The following PXDNL variants were observed in gnomAD, a reference collection of about 807,000 sequenced individuals.
PXDNL encodes probable oxidoreductase PXDNL.
In PXDNL, 145 loss-of-function variants were observed where a neutral mutation model predicts 150.8. That is an observed-to-expected ratio of 0.96 (90% CI 0.84 to 1.10). The LOEUF (loss-of-function observed/expected upper bound fraction) is 1.10. PXDNL is among the 50% of genes least tolerant of loss of function. The pLI, the probability that PXDNL is intolerant of heterozygous loss-of-function variation, is 0.00. For synonymous variants in PXDNL, 757 were observed against 725.7 expected, an observed-to-expected ratio of 1.04 and a Z score of -0.69; for missense variants, 2,087 against 1,873.9, an observed-to-expected ratio of 1.11 and a Z score of -2.10.
chr8:51,732,297 A>G (rs1364977031), intron 1 of PXDNL, among the ~76,000 whole-genome samples: 1 of 152,046 alleles, frequency 6.6e-6, no homozygotes, highest in African/African-American at 2.4e-5. Context: ...ATGCCACCAG[A>G]CTCTTTGCTA....
chr8:51,532,492 G>C (rs908252610), intron 4 of PXDNL, among the ~76,000 whole-genome samples: 2 of 152,242 alleles, frequency 1.3e-5, no homozygotes, highest in African/African-American at 4.8e-5. Flanking sequence ...AAGGATGCCT[G>C]ACACCAGTGT....
At chr8:51,695,384 A>G (rs7007671) in intron 1 of PXDNL, among the ~76,000 whole-genome samples, 109,938 of 152,022 alleles carry the variant, frequency 0.72, 40,095 homozygotes, top group East Asian at 0.82. Context: ...CTTAGCACAG[A>G]ATTGGCACAT....
intron 2 of PXDNL, among the ~76,000 whole-genome samples, chr8:51,606,573 C>T (rs1264970023): frequency 6.6e-6 from 1 of 152,098 alleles, no homozygotes; most frequent in Non-Finnish European, 1.5e-5. Flanking sequence ...TAGCCTTTAA[C>T]ATCTAGAACT....
At chr8:51,355,282 C>A (rs1806472298) in intron 19 of PXDNL, among the ~76,000 whole-genome samples, 1 of 152,116 alleles carries the variant, frequency 6.6e-6, no homozygotes, top group African/African-American at 2.4e-5. Context: ...AGTTCACAAA[C>A]ATAAGCACAA....
At chr8:51,498,268 C>A (rs1811103673) in intron 5 of PXDNL, among the ~76,000 whole-genome samples, 1 of 140,404 alleles carries the variant, frequency 7.1e-6, no homozygotes, top group Non-Finnish European at 1.5e-5. Flanking sequence ...ACATCACACA[C>A]CGGGGCCTGT....
intron 3 of PXDNL, among the ~76,000 whole-genome samples, chr8:51,557,350 A>C (rs1240714466): frequency 6.6e-6 from 1 of 152,162 alleles, no homozygotes; most frequent in Non-Finnish European, 1.5e-5. Flanking sequence ...CATAAGATGA[A>C]TTTTGATCCT....
At position 51,749,980 on chromosome 8, in the gene PXDNL, G is replaced by A. The variant is rs113612552; in HGVS notation, c.164+59201C>T. Among the ~76,000 whole-genome samples, 615 of 152,192 alleles carry A rather than the reference G, an allele frequency of 4.0e-3. 5 individuals carry two copies. The highest frequency in any genetic ancestry group is 0.014 in the African/African-American group (567 of 41,532). On this transcript the variant is annotated intron_variant, in intron 1 of 22. Transcript: ENST00000356297. ...CTCCCAAAGTGCTAAGATTACAGGC[G>A]TGAGCCACCAGGCCCGGTCCACTAA...
chr8:51,468,465 C>A (rs1339742710), intron 8 of PXDNL, among the ~76,000 whole-genome samples: 1 of 149,696 alleles, frequency 6.7e-6, no homozygotes, highest in Non-Finnish European at 1.5e-5. Context: ...GTTTACCTAT[C>A]GACTTTCCAC....
chr8:51,780,484 G>A (rs150205363), intron 1 of PXDNL, among the ~76,000 whole-genome samples: 1,692 of 152,152 alleles, frequency 0.011, 12 homozygotes, highest in Middle Eastern at 0.051. Context: ...ATCCTACAAT[G>A]AGAAACCTTT....
intron 8 of PXDNL, among the ~76,000 whole-genome samples, chr8:51,471,835 C>T (rs1017825968): frequency 2.0e-5 from 3 of 151,860 alleles, no homozygotes; most frequent in Admixed American, 1.3e-4. Flanking sequence ...TACAGGCGCT[C>T]ACCACCACGC....
At chr8:51,679,554 A>G (rs535554249) in intron 1 of PXDNL, among the ~76,000 whole-genome samples, 1 of 152,342 alleles carries the variant, frequency 6.6e-6, no homozygotes, top group East Asian at 1.9e-4. Context: ...AATAATTTAT[A>G]TCTACTATTA....
intron 6 of PXDNL, among the ~76,000 whole-genome samples, chr8:51,480,660 G>T (rs1810580337): frequency 6.6e-6 from 1 of 152,212 alleles, no homozygotes; most frequent in Admixed American, 6.5e-5. Flanking sequence ...ATCCCTACAT[G>T]TCAAGGGTGG....
At chr8:51,593,919 C>A (rs1813504555) in intron 2 of PXDNL, among the ~76,000 whole-genome samples, 1 of 152,156 alleles carries the variant, frequency 6.6e-6, no homozygotes, top group Non-Finnish European at 1.5e-5. Context: ...TTATAGTCCA[C>A]CATGTGTTCA....
chr8:51,662,961 A>C (rs1216308993), intron 1 of PXDNL, among the ~76,000 whole-genome samples: 1 of 152,244 alleles, frequency 6.6e-6, no homozygotes, highest in African/African-American at 2.4e-5. Context: ...TTTTAAATGA[A>C]TCTGGCTTGC....
chr8:51,414,047 T>G (rs1389283129), intron 14 of PXDNL, among the ~76,000 whole-genome samples: 1 of 152,090 alleles, frequency 6.6e-6, no homozygotes, highest in African/African-American at 2.4e-5. Flanking sequence ...CAATATAGCT[T>G]TAAATGTTGA....
chr8:51,343,477 T>C (rs1256869581), intron 20 of PXDNL, among the ~76,000 whole-genome samples: 1 of 152,246 alleles, frequency 6.6e-6, no homozygotes, highest in African/African-American at 2.4e-5. Flanking sequence ...AGTAAAAGTT[T>C]GATAAGATTG....
In PXDNL at chr8:51,408,799, G is replaced by C; in HGVS notation, c.2825C>G (p.Thr942Ser). 6.4e-7 allele frequency: 1 copy of C among 1,571,742 alleles called. No individual in the cohort carries two copies. The highest frequency in any genetic ancestry group is 2.2e-5 in the East Asian group (1 of 44,456). Residue 942 changes from threonine to serine, a missense_variant, in exon 17 of 23, where the codon ACC becomes AGC. Coordinates refer to ENST00000356297, the MANE Select transcript of PXDNL (RefSeq NM_144651.5). The stretch of plus-strand genomic sequence containing the variant: ...CTCCTGCTCCTGTCGCGCGCACTCG[G>C]TGGGTGGGCCTGTAGAAAAGGGCAA... Reference protein sequence around the residue: ...PLLPFSTGPPTECARQEQESP... With the variant: ...PLLPFSTGPPSECARQEQESP...
chr8:51,591,526 G>A (rs770986263), intron 3 of PXDNL, among the ~76,000 whole-genome samples: 10,526 of 152,178 alleles, frequency 0.069, 452 homozygotes, highest in South Asian at 0.1. Flanking sequence ...GATTGGAATG[G>A]TGTCTTCTCT....
chr8:51,607,985 G>GAT (rs1813880164), intron 2 of PXDNL, among the ~76,000 whole-genome samples: 1 of 126,330 alleles, frequency 7.9e-6, no homozygotes, highest in African/African-American at 3.7e-5. Context: ...AAGGAAGGAA[G>GAT]AGAGAGAGGA....
Sources: gnomAD v4.1 joint callset for allele counts (sites outside exome capture counted in the v4.1 genomes callset) on GRCh38, gnomAD v4.1.1 for gene constraint, MANE v1.5 for transcripts, NCBI Gene and HGNC (gene_info 2026-07-23, HGNC 2026-07-21) for gene names.